The following ALDH1A2 variants were observed in gnomAD, a reference collection of about 807,000 sequenced individuals.
ALDH1A2 encodes the protein retinal dehydrogenase 2.
A neutral mutation model predicts 60.3 loss-of-function variants in ALDH1A2; 27 were observed. That is an observed-to-expected ratio of 0.45 (90% CI 0.33 to 0.62). The LOEUF (loss-of-function observed/expected upper bound fraction) is 0.62, where lower values mean the gene tolerates loss of function less well. ALDH1A2 is among the 20% of genes least tolerant of loss of function. ALDH1A2 has a pLI of 0.02. For missense variants in ALDH1A2, 581 were observed against 643.8 expected, an observed-to-expected ratio of 0.90 and a Z score of 1.06; for synonymous variants, 289 against 232.4, an observed-to-expected ratio of 1.24 and a Z score of -2.21.
intron 4 of ALDH1A2, 111 bp from the exon 5 acceptor site, chr15:57,995,250 A>C: frequency 1.3e-6 from 1 of 788,552 alleles, no homozygotes; most frequent in Non-Finnish European, 2.1e-6. Flanking sequence ...ACAGAAATAA[A>C]CTTGAAAAAA....
At chr15:57,984,900 C>T (rs1426798252) in intron 7 of ALDH1A2, among the ~76,000 whole-genome samples, 1 of 152,126 alleles carries the variant, frequency 6.6e-6, no homozygotes, top group African/African-American at 2.4e-5. Flanking sequence ...GTCCTTTATT[C>T]CATTACTATG....
At chr15:57,957,549 A>C (rs1893570064) in intron 12 of ALDH1A2, among the ~76,000 whole-genome samples, 1 of 152,200 alleles carries the variant, frequency 6.6e-6, no homozygotes, top group Admixed American at 6.5e-5. Context: ...AACAGGGAAG[A>C]AGCTCACTGA....
At chr15:57,995,261 C>T in intron 4 of ALDH1A2, 122 bp from the exon 5 acceptor site, 1 of 691,222 alleles carries the variant, frequency 1.4e-6, no homozygotes, top group Middle Eastern at 3.5e-4. Flanking sequence ...CTTGAAAAAA[C>T]ATCCTACTCA....
intron 1 of ALDH1A2, among the ~76,000 whole-genome samples, chr15:58,015,158 T>C (rs1480433373): frequency 6.6e-6 from 1 of 152,196 alleles, no homozygotes; most frequent in Non-Finnish European, 1.5e-5. Context: ...CTCTATAAAA[T>C]TTACAGCACC....
At chr15:58,009,032 T>C (rs1202774539) in intron 4 of ALDH1A2, among the ~76,000 whole-genome samples, 2 of 152,082 alleles carry the variant, frequency 1.3e-5, no homozygotes, top group Non-Finnish European at 2.9e-5. Context: ...AACCTCTAGA[T>C]GGAAGGGAAG....
chr15:57,970,357 T>C (rs1357981710), intron 7 of ALDH1A2, among the ~76,000 whole-genome samples: 4 of 152,176 alleles, frequency 2.6e-5, no homozygotes, highest in African/African-American at 9.7e-5. Flanking sequence ...CCTCCACACA[T>C]AATGAAACTG....
At position 58,014,234 on chromosome 15, in the gene ALDH1A2, G is replaced by C. The variant is rs1232623688; in HGVS notation, c.165C>G (p.Phe55Leu). ...CTCCTGTGGCTGGATTATAGACAGG[G>C]AACACTCTCCCACTCTCTGAGTTCT... ...EWQNSESGRV[F>L]PVYNPATGEQ... The change falls in exon 2 of 13, where the codon TTC becomes TTG. Residue 55 changes from phenylalanine to leucine, a missense_variant. Physicochemically the swap from Phe to Leu is conservative, Grantham distance 22. This residue lies in a region of ALDH1A2 where 206 missense variants were observed against 174.1 expected (regional missense o/e 1.18). Transcript: ENST00000249750. 6.2e-7 allele frequency: 1 copy of C among 1,614,044 alleles called. No individual in the cohort carries two copies. Among genetic ancestry groups the C allele is most frequent in the East Asian group, 2.2e-5 (1 of 44,878 alleles).
chr15:58,007,242 T>G (rs1358250537), intron 4 of ALDH1A2, among the ~76,000 whole-genome samples: 2 of 151,988 alleles, frequency 1.3e-5, no homozygotes, highest in African/African-American at 2.4e-5. Flanking sequence ...CTAGGAGCAA[T>G]AGTTCCATAT....
At chr15:57,965,854 T>C in intron 7 of ALDH1A2, 27 bp from the exon 8 acceptor site, 2 of 1,597,546 alleles carry the variant, frequency 1.3e-6, no homozygotes, top group Middle Eastern at 1.7e-4. Context: ...GGAGACAGGT[T>C]TTGCAAATCC....
chr15:58,009,023 A>G (rs536113921), intron 4 of ALDH1A2, among the ~76,000 whole-genome samples: 1 of 152,100 alleles, frequency 6.6e-6, no homozygotes, highest in East Asian at 1.9e-4. Context: ...CAAGGGAAAA[A>G]CCTCTAGATG....
intron 1 of ALDH1A2, among the ~76,000 whole-genome samples, chr15:58,062,339 C>A (rs192104308): frequency 1.3e-5 from 2 of 152,034 alleles, no homozygotes; most frequent in East Asian, 3.9e-4. Flanking sequence ...ACCGGTACAG[C>A]CAGAAGAGAA....
intron 7 of ALDH1A2, among the ~76,000 whole-genome samples, chr15:57,967,718 G>GTGT (rs1328950504): frequency 1.3e-4 from 20 of 152,310 alleles, no homozygotes; most frequent in Admixed American, 9.2e-4. Flanking sequence ...ACTTACCAAG[G>GTGT]TGTTGGAAAA....
intron 1 of ALDH1A2, among the ~76,000 whole-genome samples, chr15:58,062,455 T>C (rs1238978725): frequency 6.6e-6 from 1 of 152,212 alleles, no homozygotes; most frequent in African/African-American, 2.4e-5. Flanking sequence ...GTCAGTAAAG[T>C]GCTGAGCCTT....
At chr15:58,001,684 T>C (rs1595657400) in intron 4 of ALDH1A2, among the ~76,000 whole-genome samples, 4 of 151,954 alleles carry the variant, frequency 2.6e-5, no homozygotes, top group Admixed American at 1.3e-4. Flanking sequence ...ACTTAGAAGG[T>C]TGTTTCCTTC....
At chr15:57,970,091 T>C (rs114093837) in intron 7 of ALDH1A2, among the ~76,000 whole-genome samples, 2,118 of 152,344 alleles carry the variant, frequency 0.014, 56 homozygotes, top group African/African-American at 0.048. Flanking sequence ...CTGGGGACCC[T>C]GCTCATTCTG....
chr15:58,000,574 G>GTAATTT (rs1215694083), intron 4 of ALDH1A2, among the ~76,000 whole-genome samples: 4 of 151,866 alleles, frequency 2.6e-5, no homozygotes, highest in Non-Finnish European at 5.9e-5. Flanking sequence ...AAAATAACAG[G>GTAATTT]TTTCATGGGC....
intron 1 of ALDH1A2, among the ~76,000 whole-genome samples, chr15:58,040,746 T>C (rs1483083804): frequency 6.6e-6 from 1 of 151,928 alleles, no homozygotes; most frequent in Admixed American, 6.6e-5. Flanking sequence ...AAAGTCAGAA[T>C]TGAAAACCAA....
At chr15:58,012,416 CAAGTA>C (rs1663255201) in intron 3 of ALDH1A2, among the ~76,000 whole-genome samples, 1 of 151,980 alleles carries the variant, frequency 6.6e-6, no homozygotes, top group Non-Finnish European at 1.5e-5. Flanking sequence ...AGTGAAAAGA[CAAGTA>C]ATGTGTCCCA....
At position 57,953,699 on chromosome 15, in the gene ALDH1A2, A is replaced by T. The variant is rs1317474448; in HGVS notation, c.*1498T>A. ...GGAGACTTTAAAACATCATGGATAGATAAGAGTTATAAATAGAAAACTGGT... is the reference window on the plus strand; with the variant it reads ...GGAGACTTTAAAACATCATGGATAGTTAAGAGTTATAAATAGAAAACTGGT... On this transcript the variant is annotated 3_prime_UTR_variant, in exon 13 of 13. Coordinates refer to ENST00000249750, the MANE Select transcript of ALDH1A2 (RefSeq NM_003888.4). 1 of 152,344 alleles carries T rather than the reference A, an allele frequency of 6.6e-6. No individual in the cohort carries two copies. Among genetic ancestry groups the T allele is most frequent in the Admixed American group, 6.5e-5 (1 of 15,284 alleles). The allele number at this position is 152,344 out of a possible 1,614,324, so 9.4% of individuals were successfully genotyped here. A position where few individuals can be genotyped will look rare whatever the true frequency, so the allele number is the denominator to read the frequency against.
Sources: gnomAD v4.1 joint callset for allele counts (sites outside exome capture counted in the v4.1 genomes callset) on GRCh38, gnomAD v4.1.1 for gene constraint, gnomAD v4.1.1 regional missense constraint, MANE v1.5 for transcripts, NCBI Gene and HGNC (gene_info 2026-07-23, HGNC 2026-07-21) for gene names.